The following ZHX2 variants were observed in gnomAD, a reference collection of about 807,000 sequenced individuals.
ZHX2 encodes the protein zinc fingers and homeoboxes 2.
ZHX2 carries 6 observed loss-of-function variants against 21.9 expected under a neutral mutation model. The ratio of observed to expected loss-of-function variants is 0.27; its 90% CI spans 0.15 to 0.54. The LOEUF (loss-of-function observed/expected upper bound fraction) is 0.54. Ranked by LOEUF, ZHX2 falls within the 20% of genes least tolerant of loss-of-function variation. The pLI is 0.95. For synonymous variants in ZHX2, 434 were observed against 437.1 expected (o/e 0.99, Z 0.09); for missense variants, 908 against 1,090.7 (o/e 0.83, Z 2.36).
chr8:122,861,035 C>CAAA (rs36046690), intron 1 of ZHX2, among the ~76,000 whole-genome samples: 19 of 66,702 alleles, frequency 2.8e-4, no homozygotes, highest in African/African-American at 6.2e-4. Context: ...GACTTCGTCT[C>CAAA]AAAAAAAAAA....
intron 2 of ZHX2, among the ~76,000 whole-genome samples, chr8:122,947,373 C>T (rs10095656): frequency 0.26 from 39,956 of 152,124 alleles, 6,352 homozygotes; most frequent in South Asian, 0.4. Context: ...AGACAATAGC[C>T]ACCAGCCACA....
intron 1 of ZHX2, among the ~76,000 whole-genome samples, chr8:122,860,503 C>A (rs988049132): frequency 3.9e-5 from 6 of 152,178 alleles, no homozygotes; most frequent in Admixed American, 3.9e-4. Flanking sequence ...AACTCTTTAA[C>A]AAACCACAAT....
intron 2 of ZHX2, among the ~76,000 whole-genome samples, chr8:122,880,791 AG>A (rs768783532): frequency 0.12 from 7,202 of 62,566 alleles, 302 homozygotes; most frequent in South Asian, 0.27. Context: ...AAAAAAAAAT[AG>A]AGAGAGTGAG....
In ZHX2 at chr8:122,812,593, G is replaced by A. The variant is rs1036528020; in HGVS notation, c.-283+30647G>A. Among the ~76,000 whole-genome samples, 3 of 152,132 alleles carry A rather than the reference G, an allele frequency of 2.0e-5. No individual in the cohort carries two copies. In the East Asian group the frequency reaches 5.8e-4, roughly 29 times the overall value. ...CTTCTTTTGAAGGAGGTGACTCTGG[G>A]CCTCTCTTGAAGATTCAGATTAGAT... On this transcript the variant is annotated intron_variant, in intron 1 of 3. Transcript: ENST00000314393.
chr8:122,946,035 AC>A (rs1812968265), intron 2 of ZHX2, among the ~76,000 whole-genome samples: 2 of 152,202 alleles, frequency 1.3e-5, no homozygotes, highest in African/African-American at 4.8e-5. Flanking sequence ...CAGGGCAAGA[AC>A]CACGACTTGC....
At chr8:122,865,374 C>T (rs1188147622) in intron 2 of ZHX2, among the ~76,000 whole-genome samples, 5 of 152,112 alleles carry the variant, frequency 3.3e-5, no homozygotes, top group Admixed American at 1.3e-4. Flanking sequence ...ATGATCCGCC[C>T]GCCTCAGCCT....
intron 1 of ZHX2, among the ~76,000 whole-genome samples, chr8:122,862,607 G>T (rs1819193963): frequency 6.6e-6 from 1 of 152,158 alleles, no homozygotes. Context: ...CTGGCGCGTG[G>T]TAAGTACTCA....
chr8:122,892,085 T>G (rs2129872206), intron 2 of ZHX2, among the ~76,000 whole-genome samples: 1 of 152,330 alleles, frequency 6.6e-6, no homozygotes, highest in South Asian at 2.1e-4. Context: ...CAATGTATGC[T>G]TTTTATATCC....
chr8:122,829,107 T>G (rs1039843690), intron 1 of ZHX2, among the ~76,000 whole-genome samples: 2 of 152,320 alleles, frequency 1.3e-5, no homozygotes, highest in African/African-American at 4.8e-5. Context: ...GAGGACTATA[T>G]GTAACATATG....
At chr8:122,880,274 G>C (rs79757543) in intron 2 of ZHX2, among the ~76,000 whole-genome samples, 2 of 151,888 alleles carry the variant, frequency 1.3e-5, no homozygotes, top group African/African-American at 4.8e-5. Flanking sequence ...GCACCCAGCT[G>C]TTATCTCATT....
intron 2 of ZHX2, among the ~76,000 whole-genome samples, chr8:122,939,340 A>G (rs566208877): frequency 5.9e-5 from 9 of 152,340 alleles, no homozygotes; most frequent in African/African-American, 2.2e-4. Context: ...CACCTCTGCC[A>G]TAGGATGAAG....
chr8:122,816,098 A>G (rs1317664293), intron 1 of ZHX2, among the ~76,000 whole-genome samples: 2 of 150,916 alleles, frequency 1.3e-5, no homozygotes, highest in Non-Finnish European at 3.0e-5. Context: ...AAAAAAAAAA[A>G]GGGAGATTGC....
At chr8:122,907,587 G>A (rs1820379610) in intron 2 of ZHX2, among the ~76,000 whole-genome samples, 1 of 152,160 alleles carries the variant, frequency 6.6e-6, no homozygotes, top group African/African-American at 2.4e-5. Flanking sequence ...CATTCAAAAT[G>A]AGAAACCTCC....
At chr8:122,879,352 A>T (rs1167647495) in intron 2 of ZHX2, among the ~76,000 whole-genome samples, 3 of 152,058 alleles carry the variant, frequency 2.0e-5, no homozygotes, top group African/African-American at 7.2e-5. Context: ...GATAACAGAC[A>T]CATGCCACCA....
chr8:122,816,628 T>TA (rs1298363832), intron 1 of ZHX2: 1 of 148,346 alleles, frequency 6.7e-6, no homozygotes, highest in East Asian at 1.9e-4. Context: ...TAGTTATTCT[T>TA]TTTTTTTTAA....
At chr8:122,875,156 T>TC (rs1819539199) in intron 2 of ZHX2, among the ~76,000 whole-genome samples, 2 of 15,092 alleles carry the variant, frequency 1.3e-4, no homozygotes, top group African/African-American at 5.3e-4. Context: ...TATATATATA[T>TC]ATATATATAT....
At chr8:122,806,330 C>G (rs1817823069) in intron 1 of ZHX2, among the ~76,000 whole-genome samples, 2 of 152,168 alleles carry the variant, frequency 1.3e-5, no homozygotes, top group Non-Finnish European at 2.9e-5. Context: ...TGTGGAGTTT[C>G]TTGGCCCCTA....
At chr8:122,852,138 T>C (rs1818916195) in intron 1 of ZHX2, among the ~76,000 whole-genome samples, 1 of 152,174 alleles carries the variant, frequency 6.6e-6, no homozygotes, top group South Asian at 2.1e-4. Flanking sequence ...GCTCTAGAAA[T>C]GGGGCATACA....
intron 2 of ZHX2, among the ~76,000 whole-genome samples, chr8:122,908,748 C>T (rs952000614): frequency 5.3e-5 from 8 of 152,168 alleles, no homozygotes; most frequent in African/African-American, 1.2e-4. Context: ...TGCCAGTGAA[C>T]GACTGTGGCT....
Sources: gnomAD v4.1 joint callset for allele counts (sites outside exome capture counted in the v4.1 genomes callset) on GRCh38, gnomAD v4.1.1 for gene constraint, MANE v1.5 for transcripts, NCBI Gene and HGNC (gene_info 2026-07-23, HGNC 2026-07-21) for gene names.